The following PRKN variants were observed in gnomAD, a reference collection of about 807,000 sequenced individuals.
PRKN encodes the protein parkin RBR E3 ubiquitin protein ligase.
PRKN carries 56 observed loss-of-function variants against 59.5 expected under a neutral mutation model. That is an observed-to-expected ratio of 0.94 (90% confidence interval 0.76 to 1.18). The LOEUF (loss-of-function observed/expected upper bound fraction) is 1.18. Ranked by LOEUF, PRKN falls within the 50% of genes most tolerant of loss-of-function variation. The pLI is 0.00. For synonymous variants in PRKN, 250 were observed against 222.1 expected (o/e 1.13, Z -1.12); for missense variants, 657 against 596.4 (o/e 1.10, Z -1.06).
chr6:162,323,345 A>T (rs1399201361), intron 2 of PRKN, among the ~76,000 whole-genome samples: 10 of 152,036 alleles, frequency 6.6e-5, no homozygotes, highest in Admixed American at 6.6e-4. Flanking sequence ...CTTTGCTTAG[A>T]CAAGAATTTC....
intron 6 of PRKN, among the ~76,000 whole-genome samples, chr6:161,936,587 T>C (rs1779365526): frequency 6.6e-6 from 1 of 152,092 alleles, no homozygotes; most frequent in South Asian, 2.1e-4. Flanking sequence ...CGTCTGCTTA[T>C]TATGAGAGTG....
intron 9 of PRKN, among the ~76,000 whole-genome samples, chr6:161,523,439 C>A (rs1778909859): frequency 6.6e-6 from 1 of 152,082 alleles, no homozygotes; most frequent in Non-Finnish European, 1.5e-5. Flanking sequence ...TAGATAGAGA[C>A]AGAAAAAGTG....
rs181791960 is a variant in PRKN at position 162,585,763 on chromosome 6, T to G, written c.7+141899A>C. 5.2e-3 allele frequency among the ~76,000 whole-genome samples: 790 copies of G among 152,130 alleles called. 7 individuals are homozygous for G. Among genetic ancestry groups the G allele is most frequent in the African/African-American group, 0.018 (763 of 41,518 alleles). ...TGTCGCCCAAGCTGGAGTGCAATGG[T>G]GTGATCTCGGCTCACTGCAACCTCC... On this transcript the variant is annotated intron_variant, in intron 1 of 11. Coordinates refer to ENST00000366898, the MANE Select transcript of PRKN (RefSeq NM_004562.3).
Position 161,425,995 on chromosome 6 carries a change from G to A in PRKN, c.1084-39118C>T, listed in dbSNP as rs138581559. 4.4e-3 allele frequency among the ~76,000 whole-genome samples: 670 copies of A among 152,202 alleles called. 7 individuals carry two copies. Among genetic ancestry groups the A allele is most frequent in the African/African-American group, 0.016 (648 of 41,516 alleles). On this transcript the variant is annotated intron_variant, in intron 9 of 11. Coordinates refer to ENST00000366898, the MANE Select transcript of PRKN (RefSeq NM_004562.3). ...TCCAACACCGAGCAGGAGTGACAGT[G>A]GAGTGTTCCCACACTGGATGTTCAG...
chr6:162,098,442 G>A (rs938499209), intron 4 of PRKN, among the ~76,000 whole-genome samples: 6 of 152,100 alleles, frequency 3.9e-5, no homozygotes, highest in Admixed American at 2.6e-4. Flanking sequence ...TTTCGCATCC[G>A]TTGGGATGCA....
intron 1 of PRKN, among the ~76,000 whole-genome samples, chr6:162,474,749 A>G (rs1325259193): frequency 6.6e-6 from 1 of 152,168 alleles, no homozygotes. Flanking sequence ...ATCTGTAGAT[A>G]AGAGACTCTG....
rs113519930 is a variant in PRKN, at chr6:161,502,064, G to C, written c.1083+46790C>G. Among the ~76,000 whole-genome samples, 45 of 152,232 alleles carry C rather than the reference G, an allele frequency of 3.0e-4. No individual in the cohort carries two copies. The highest frequency in any genetic ancestry group is 1.1e-3 in the African/African-American group (45 of 41,540). ...AATACCTGGATCACTGAATCATCTGGGCATAAAAGCTTTTTTATGAGTTGT... is the reference window on the plus strand; with the variant it reads ...AATACCTGGATCACTGAATCATCTGCGCATAAAAGCTTTTTTATGAGTTGT... On this transcript the variant is annotated intron_variant, in intron 9 of 11. Coordinates refer to ENST00000366898, the MANE Select transcript of PRKN (RefSeq NM_004562.3). This position sits in a 1 kb window ranked among gnomAD's most constrained non-coding sequence, Gnocchi z 4.0.
chr6:161,389,502 CA>C (rs772077822), intron 9 of PRKN, among the ~76,000 whole-genome samples: 7 of 152,324 alleles, frequency 4.6e-5, no homozygotes, highest in Non-Finnish European at 1.0e-4. Context: ...CGTCCTTACA[CA>C]AATCACCAAC....
At chr6:162,278,362 T>C (rs947424739) in intron 2 of PRKN, among the ~76,000 whole-genome samples, 5 of 152,190 alleles carry the variant, frequency 3.3e-5, no homozygotes, top group Non-Finnish European at 7.3e-5. Flanking sequence ...ACTATGTTGA[T>C]GGATAAATAT....
At chr6:162,185,052 C>A (rs1783967017) in intron 4 of PRKN, among the ~76,000 whole-genome samples, 1 of 152,124 alleles carries the variant, frequency 6.6e-6, no homozygotes, top group South Asian at 2.1e-4. Context: ...ACAAAAGTGG[C>A]ATCGTTATGA....
chr6:161,975,085 C>CTTTTTTTTT (rs769121865), intron 5 of PRKN, among the ~76,000 whole-genome samples: 3 of 124,470 alleles, frequency 2.4e-5, no homozygotes, highest in East Asian at 2.3e-4. Context: ...ACATATACTT[C>CTTTTTTTTT]TTTTTTTTTT....
chr6:162,669,688 G>A (rs1166522946), intron 1 of PRKN, among the ~76,000 whole-genome samples: 3 of 152,088 alleles, frequency 2.0e-5, no homozygotes, highest in Admixed American at 6.5e-5. Context: ...GTGCACTATC[G>A]ATTTAAGAAT....
In PRKN at chr6:161,458,531, T is replaced by C. The variant is rs947196131; in HGVS notation, c.1084-71654A>G. 2.6e-5 allele frequency among the ~76,000 whole-genome samples: 4 copies of C among 152,236 alleles called. No individual in the cohort carries two copies. Among genetic ancestry groups the C allele is most frequent in the South Asian group, 2.1e-4 (1 of 4,834 alleles). ...GCCAGTGTTTGAACCAAATGCTCAG[T>C]AATGTGAAAACATCAATTATTTCCT... On this transcript the variant is annotated intron_variant, in intron 9 of 11. Transcript: ENST00000366898. The surrounding 1 kb of genome is among the most constrained non-coding windows in gnomAD (Gnocchi z 6.1).
rs150831004 is a variant in PRKN, at chr6:162,556,708, C to T, written c.8-113235G>A. ...GTTGCTGTGAGCCGAGATTGCACCA[C>T]TGCACTCCAACCAGGTGACAGAGCG... On this transcript the variant is annotated intron_variant, in intron 1 of 11. Coordinates refer to ENST00000366898, the MANE Select transcript of PRKN (RefSeq NM_004562.3). Among the ~76,000 whole-genome samples the T allele has an allele frequency of 2.3e-3, 331 of 143,594 alleles. 2 individuals carry two copies. The highest frequency in any genetic ancestry group is 8.1e-3 in the African/African-American group (312 of 38,346). 94.2% of individuals were successfully genotyped at this position (143,594 alleles called of 152,430 possible). A position where few individuals can be genotyped will look rare whatever the true frequency, so the allele number is the denominator to read the frequency against.
intron 2 of PRKN, among the ~76,000 whole-genome samples, chr6:162,403,674 G>A (rs1298852117): frequency 6.6e-6 from 1 of 152,106 alleles, no homozygotes; most frequent in African/African-American, 2.4e-5. Context: ...CCTGGATTCA[G>A]GAATGGGGAA....
At chr6:161,807,973 G>A (rs1199075943) in intron 6 of PRKN, among the ~76,000 whole-genome samples, 1 of 152,128 alleles carries the variant, frequency 6.6e-6, no homozygotes, top group Admixed American at 6.5e-5. Context: ...TTAATTAATT[G>A]TGCTGAAGTG....
rs1415902228 is a variant in PRKN at position 161,757,933 on chromosome 6, G to GTATATATATATA, written c.871+27838_871+27839insTATATATATATA. On this transcript the variant is annotated intron_variant, in intron 7 of 11. Coordinates refer to ENST00000366898, the MANE Select transcript of PRKN (RefSeq NM_004562.3). ...CACACACACACACATCTCTCTCTCT[G>GTATATATATATA]TATATATATGTATATATATATACAG... Among the ~76,000 whole-genome samples the GTATATATATATA allele has an allele frequency of 2.6e-3, 262 of 101,412 alleles. 2 individuals carry two copies. The highest frequency in any genetic ancestry group is 0.02 in the South Asian group (55 of 2,758). 66.5% of individuals were successfully genotyped at this position (101,412 alleles called of 152,430 possible). A position where few individuals can be genotyped will look rare whatever the true frequency, so the allele number is the denominator to read the frequency against.
intron 1 of PRKN, among the ~76,000 whole-genome samples, chr6:162,719,016 G>A (rs1381611995): frequency 6.6e-6 from 1 of 152,110 alleles, no homozygotes; most frequent in East Asian, 1.9e-4. Flanking sequence ...GGGACAAAAG[G>A]AAGAAATTCC....
At chr6:162,570,405 T>A (rs1288245223) in intron 1 of PRKN, among the ~76,000 whole-genome samples, 1 of 152,230 alleles carries the variant, frequency 6.6e-6, no homozygotes, top group South Asian at 2.1e-4. Context: ...TTTTTTAGTT[T>A]TGAGGTTCCT....
Sources: gnomAD v4.1 joint callset for allele counts (sites outside exome capture counted in the v4.1 genomes callset) on GRCh38, gnomAD v4.1.1 for gene constraint, Gnocchi (gnomAD v3.1) non-coding constraint, MANE v1.5 for transcripts, NCBI Gene and HGNC (gene_info 2026-07-23, HGNC 2026-07-21) for gene names.